Variants in TMEM132C observed in about 807,000 individuals in gnomAD.
TMEM132C encodes transmembrane protein 132C, also known as protein phosphatase 1, regulatory subunit 152.
Under a neutral mutation model 61.4 loss-of-function variants are expected in TMEM132C, and 29 were observed. The observed-to-expected ratio is 0.47, with a 90% confidence interval of 0.35 to 0.64. The LOEUF (loss-of-function observed/expected upper bound fraction) is 0.64. Among genes scored for constraint, TMEM132C ranks in the 30% least tolerant of loss-of-function variants. The pLI is 0.00. For synonymous variants in TMEM132C, 656 were observed against 633.1 expected, an observed-to-expected ratio of 1.04 and a Z score of -0.54; for missense variants, 1,408 against 1,476.9, an observed-to-expected ratio of 0.95 and a Z score of 0.76.
At chr12:128,575,458 G>A (rs1425072036) in intron 3 of TMEM132C, among the ~76,000 whole-genome samples, 5 of 151,600 alleles carry the variant, frequency 3.3e-5, no homozygotes, top group Non-Finnish European at 7.4e-5. Flanking sequence ...CAGCCTGGGC[G>A]ACAGAGTGAG....
intron 2 of TMEM132C, among the ~76,000 whole-genome samples, chr12:128,475,258 A>G (rs1268830462): frequency 2.0e-5 from 3 of 152,178 alleles, no homozygotes; most frequent in Non-Finnish European, 2.9e-5. Flanking sequence ...TTTTTCTCCT[A>G]TAAAATGACT....
chr12:128,346,810 T>A (rs528953028), intron 1 of TMEM132C, among the ~76,000 whole-genome samples: 40 of 152,242 alleles, frequency 2.6e-4, no homozygotes, highest in African/African-American at 9.4e-4. Context: ...AGTGCGAGGG[T>A]TTGTTTCTGG....
chr12:128,504,385 A>C (rs1008925770), intron 2 of TMEM132C, among the ~76,000 whole-genome samples: 1 of 152,180 alleles, frequency 6.6e-6, no homozygotes, highest in African/African-American at 2.4e-5. Flanking sequence ...TTTTAAGGGG[A>C]ATGTATATAG....
intron 2 of TMEM132C, among the ~76,000 whole-genome samples, chr12:128,514,527 G>A (rs968042101): frequency 2.6e-5 from 4 of 152,096 alleles, no homozygotes; most frequent in Non-Finnish European, 5.9e-5. Context: ...GGTGGCAGGC[G>A]GGGTGCGGGG....
In TMEM132C at chr12:128,570,274, A is replaced by G. The variant is rs910315935; in HGVS notation, c.1121+26171A>G. The stretch of plus-strand genomic sequence containing the variant: ...GAAAAGATGCAAGACGCATTCTGAC[A>G]CTTAGGTGAAGCACAGCCACTGGGG... On this transcript the variant is annotated intron_variant, in intron 3 of 8. Coordinates refer to ENST00000435159, the MANE Select transcript of TMEM132C (RefSeq NM_001136103.3). The surrounding 1 kb of genome is among the most constrained non-coding windows in gnomAD (Gnocchi z 4.7). 6.6e-6 allele frequency among the ~76,000 whole-genome samples: 1 copy of G among 152,078 alleles called. No homozygotes were observed. The highest frequency in any genetic ancestry group is 1.5e-5 in the Non-Finnish European group (1 of 68,020).
At position 128,461,333 on chromosome 12, in the gene TMEM132C, A is replaced by G. The variant is rs535951254; in HGVS notation, c.974+45713A>G. 1.4e-4 allele frequency among the ~76,000 whole-genome samples: 22 copies of G among 152,330 alleles called. No homozygotes were observed. In the South Asian group the frequency reaches 4.6e-3, roughly 32 times the overall value. ...TGTGGGTGGGGGAGGCCTATGGACA[A>G]TTGATAAGTGCACACAGACCCCATC... On this transcript the variant is annotated intron_variant, in intron 2 of 8. Coordinates refer to ENST00000435159, the MANE Select transcript of TMEM132C (RefSeq NM_001136103.3).
intron 5 of TMEM132C, among the ~76,000 whole-genome samples, chr12:128,692,240 G>T (rs1325616366): frequency 2.2e-4 from 33 of 152,204 alleles, no homozygotes; most frequent in Admixed American, 2.1e-3. Flanking sequence ...CTATGCATCA[G>T]TGTGTGCATT....
rs114758135 is a variant in TMEM132C, at chr12:128,486,431, G to T, written c.975-57526G>T. On this transcript the variant is annotated intron_variant, in intron 2 of 8. Transcript: ENST00000435159. ...CACAGGAATGAAAATGGATTGGGAG[G>T]AAATTAGCCCGAGGAGAGTCTACAA... is the stretch of plus-strand genomic sequence containing the variant. Among the ~76,000 whole-genome samples, 625 of 152,186 alleles carry T rather than the reference G, an allele frequency of 4.1e-3. 5 individuals are homozygous for T. The highest frequency in any genetic ancestry group is 0.014 in the African/African-American group (583 of 41,534).
intron 1 of TMEM132C, among the ~76,000 whole-genome samples, chr12:128,347,393 GTATGTC>G (rs1873192952): frequency 8.6e-6 from 1 of 116,708 alleles, no homozygotes. Context: ...GCATGCATAT[GTATGTC>G]TCTCTCTCTC....
chr12:128,325,092 C>T (rs1872462735), intron 1 of TMEM132C, among the ~76,000 whole-genome samples: 1 of 152,162 alleles, frequency 6.6e-6, no homozygotes, highest in African/African-American at 2.4e-5. Context: ...TGATACTCTG[C>T]AGAAGGGCAG....
chr12:128,304,453 C>T, intron 1 of TMEM132C, among the ~76,000 whole-genome samples: 1 of 151,834 alleles, frequency 6.6e-6, no homozygotes, highest in East Asian at 1.9e-4. Flanking sequence ...ACTAAAAATA[C>T]AAAAAATTAG....
At chr12:128,606,306 C>G (rs1403515828) in intron 3 of TMEM132C, among the ~76,000 whole-genome samples, 1 of 152,240 alleles carries the variant, frequency 6.6e-6, no homozygotes, top group Non-Finnish European at 1.5e-5. Flanking sequence ...ACAACAGACC[C>G]CTCCCCCGTG....
intron 3 of TMEM132C, among the ~76,000 whole-genome samples, chr12:128,572,447 G>T (rs747119582): frequency 7.1e-6 from 1 of 140,870 alleles, no homozygotes; most frequent in Non-Finnish European, 1.5e-5. Flanking sequence ...GGCCTGGGTC[G>T]CATGACCACT....
intron 2 of TMEM132C, among the ~76,000 whole-genome samples, chr12:128,422,807 A>T (rs189964636): frequency 6.6e-6 from 1 of 152,238 alleles, no homozygotes; most frequent in Admixed American, 6.5e-5. Context: ...TAGCACCTCC[A>T]CCTCTGCTCC....
chr12:128,368,163 G>T lies in TMEM132C; in HGVS notation c.86-46569G>T, dbSNP rs935481129. On this transcript the variant is annotated intron_variant, in intron 1 of 8. Transcript: ENST00000435159. Reference sequence around the variant, plus strand: ...GCCCCACTTGGCAAATGGACATGGGGCATAGTTCATCCCCACTAGCTAGGA... The same window carrying T: ...GCCCCACTTGGCAAATGGACATGGGTCATAGTTCATCCCCACTAGCTAGGA... 2.6e-5 allele frequency among the ~76,000 whole-genome samples: 4 copies of T among 152,324 alleles called. No homozygotes were observed. The Middle Eastern group carries it at 0.01, about 389-fold the overall frequency.
At chr12:128,627,386 T>C (rs1392079751) in intron 4 of TMEM132C, among the ~76,000 whole-genome samples, 1 of 152,224 alleles carries the variant, frequency 6.6e-6, no homozygotes, top group South Asian at 2.1e-4. Flanking sequence ...CTGATCATTA[T>C]CTGACATTAT....
chr12:128,694,797 A>G (rs2135653742), intron 6 of TMEM132C, among the ~76,000 whole-genome samples: 1 of 152,326 alleles, frequency 6.6e-6, no homozygotes, highest in Admixed American at 6.5e-5. Flanking sequence ...CTGTGAATCT[A>G]CCCAGTCCTT....
intron 8 of TMEM132C, among the ~76,000 whole-genome samples, chr12:128,702,210 G>T (rs1013317338): frequency 6.6e-6 from 1 of 151,844 alleles, no homozygotes; most frequent in East Asian, 1.9e-4. Flanking sequence ...CCCATTTGCT[G>T]TTATTGAGAC....
At chr12:128,466,693 T>C (rs1870747921) in intron 2 of TMEM132C, among the ~76,000 whole-genome samples, 1 of 152,144 alleles carries the variant, frequency 6.6e-6, no homozygotes, top group Non-Finnish European at 1.5e-5. Context: ...TTTTTGTTTT[T>C]TGTTTGTAGA....
Sources: allele counts gnomAD v4.1 joint callset (sites outside exome capture counted in the v4.1 genomes callset), GRCh38; gene constraint gnomAD v4.1.1; non-coding constraint Gnocchi (gnomAD v3.1); transcripts MANE v1.5; gene names NCBI Gene and HGNC (gene_info 2026-07-23, HGNC 2026-07-21).